The following ZER1 variants were observed in gnomAD, a reference collection of about 807,000 sequenced individuals.
ZER1 encodes the protein zyg-11 related cell cycle regulator, also known as protein zer-1 homolog.
ZER1 carries 11 observed loss-of-function variants against 78.8 expected under a neutral mutation model. The observed-to-expected ratio is 0.14, with a 90% CI of 0.09 to 0.23. The LOEUF is 0.23. Ranked by LOEUF, ZER1 falls within the 10% of genes least tolerant of loss-of-function variation. The pLI, the probability that ZER1 is intolerant of heterozygous loss-of-function variation, is 1.00. For synonymous variants in ZER1, 400 were observed against 407.0 expected (o/e 0.98, Z 0.21); for missense variants, 588 against 996.9 (o/e 0.59, Z 5.52).
In ZER1 at chr9:128,755,604, C is replaced by A. The variant is rs1352388871; in HGVS notation, c.-39G>T. 1.1e-5 allele frequency: 17 copies of A among 1,592,198 alleles called. No homozygotes were observed. The South Asian group carries it at 1.8e-4, about 17-fold the overall frequency. On this transcript the variant is annotated 5_prime_UTR_variant, in exon 2 of 16. Coordinates refer to ENST00000291900, the MANE Select transcript of ZER1 (RefSeq NM_006336.4). The surrounding 1 kb of genome is among the most constrained non-coding windows in gnomAD (Gnocchi z 5.6). ...AGGTGGGCCACTCCAGGACAAGGAT[C>A]CCCAGGGGCAACAGTGATTCCTGAA...
chr9:128,770,928 T>G (rs1318348770), intron 1 of ZER1, among the ~76,000 whole-genome samples: 1 of 152,132 alleles, frequency 6.6e-6, no homozygotes, highest in Non-Finnish European at 1.5e-5. Context: ...CCAGCACTTT[T>G]GGAGGCTGGA....
rs1862906624 is a variant in ZER1, at chr9:128,733,405, AAC to A, written c.2243+19_2243+20del. ...CCCCTAAACCAAGGTTCCAGGCAGA[AAC>A]ACACTGCTGGTCTCTTACCGGGCCA... On this transcript the variant is annotated intron_variant, in intron 15 of 15. Transcript: ENST00000291900. The A allele has an allele frequency of 1.2e-6, 2 of 1,611,498 alleles. No individual in the cohort carries two copies. The highest frequency in any genetic ancestry group is 1.7e-6 in the Non-Finnish European group (2 of 1,178,326).
At position 128,752,867 on chromosome 9, in the gene ZER1, G is replaced by A. The variant is rs1471587853; in HGVS notation, c.747-18C>T. 1.2e-6 allele frequency: 2 copies of A among 1,609,896 alleles called. No individual in the cohort carries two copies. The highest frequency in any genetic ancestry group is 1.7e-6 in the Non-Finnish European group (2 of 1,177,760). On this transcript the variant is annotated intron_variant, in intron 4 of 15. Transcript: ENST00000291900. The stretch of plus-strand genomic sequence containing the variant: ...CCAGGTGTCTGAAGATTGGGGTAGG[G>A]GGTGCAGGTTAGGAGCTGGGTACAG...
chr9:128,758,586 T>C (rs750091879), intron 1 of ZER1, among the ~76,000 whole-genome samples: 15 of 151,968 alleles, frequency 9.9e-5, no homozygotes, highest in Non-Finnish European at 1.8e-4. Context: ...ACCCGGCTAA[T>C]CTTTCTGGTT....
rs571772894 is a variant in ZER1 at position 128,769,137 on chromosome 9, CCT to C, written c.-95+2442_-95+2443del. On this transcript the variant is annotated intron_variant, in intron 1 of 15. Transcript: ENST00000291900. ...TCTCTGCAGAATATTAACCCAGTTA[CCT>C]CTGAGGGGTGTCAAGAAGTTTCTGT... 5.1e-4 allele frequency among the ~76,000 whole-genome samples: 78 copies of C among 152,234 alleles called. 1 individual carries two copies. Among genetic ancestry groups the C allele is most frequent in the Admixed American group, 1.2e-3 (18 of 15,294 alleles).
intron 9 of ZER1, 147 bp downstream of exon 9, chr9:128,742,383 G>T: frequency 7.9e-6 from 7 of 890,312 alleles, no homozygotes; most frequent in Non-Finnish European, 1.0e-5. Context: ...TTCTTCCTTT[G>T]GTCTAGCCTA....
chr9:128,741,319 G>T (rs1043614418), intron 11 of ZER1, among the ~76,000 whole-genome samples: 1 of 152,224 alleles, frequency 6.6e-6, no homozygotes, highest in Non-Finnish European at 1.5e-5. Flanking sequence ...CTTTCCCTGG[G>T]AGTGGGGGCT....
chr9:128,746,640 AT>A (rs911601634), intron 8 of ZER1, among the ~76,000 whole-genome samples: 51 of 144,512 alleles, frequency 3.5e-4, no homozygotes, highest in African/African-American at 5.8e-4. Context: ...TTAAAAAAAA[AT>A]TTTTTTTTTT....
At chr9:128,738,368 ATTTATTTTTATT>A (rs1184024452) in intron 13 of ZER1, among the ~76,000 whole-genome samples, 1 of 137,678 alleles carries the variant, frequency 7.3e-6, no homozygotes, top group African/African-American at 2.7e-5. Context: ...TGTTTTTTTA[ATTTATTTTTATT>A]TTTATTTTTA....
intron 1 of ZER1, among the ~76,000 whole-genome samples, chr9:128,758,156 G>C: frequency 7.4e-6 from 1 of 135,222 alleles, no homozygotes; most frequent in Non-Finnish European, 1.5e-5. Context: ...GTCTTGCTCT[G>C]TTGCTCAGGC....
In ZER1 at chr9:128,754,038, C is replaced by G. The variant is rs1012264926; in HGVS notation, c.159-79G>C. ...GCTTCAAAGCCAAGCCCTCCTCCCC[C>G]TGAAGCTTTCTTGGATCACCCCAAG... On this transcript the variant is annotated intron_variant, in intron 2 of 15. Coordinates refer to ENST00000291900, the MANE Select transcript of ZER1 (RefSeq NM_006336.4). The surrounding 1 kb of genome is among the most constrained non-coding windows in gnomAD (Gnocchi z 4.3). 8 of 1,507,124 alleles carry G rather than the reference C, an allele frequency of 5.3e-6. No individual in the cohort carries two copies. Among genetic ancestry groups the G allele is most frequent in the South Asian group, 1.3e-5 (1 of 78,606 alleles). 93.4% of individuals were successfully genotyped at this position (1,507,124 alleles called of 1,614,324 possible).
At position 128,755,693 on chromosome 9, in the gene ZER1, C is replaced by T. The variant is rs1386603940; in HGVS notation, c.-94-34G>A. On this transcript the variant is annotated intron_variant, in intron 1 of 15. Transcript: ENST00000291900. This position sits in a 1 kb window ranked among gnomAD's most constrained non-coding sequence, Gnocchi z 5.6. ...TGGACAAGATGCCAAGTGAGCCACA[C>T]ACAAGGGCTAGAACTATCAGTGGTC... 8.1e-6 allele frequency: 10 copies of T among 1,237,750 alleles called. No individual in the cohort carries two copies. Among genetic ancestry groups the T allele is most frequent in the Non-Finnish European group, 4.5e-6 (4 of 893,938 alleles). The allele number at this position is 1,237,750 out of a possible 1,614,324, so 76.7% of individuals were successfully genotyped here. A position where few individuals can be genotyped will look rare whatever the true frequency, so the allele number is the denominator to read the frequency against.
At chr9:128,745,938 C>T (rs1227705799) in intron 8 of ZER1, 1 of 152,058 alleles carries the variant, frequency 6.6e-6, no homozygotes, top group African/African-American at 2.4e-5. Flanking sequence ...CTTCTGGGTT[C>T]AAGCAATCCT....
At chr9:128,734,846 G>A (rs1368174309) in intron 14 of ZER1, among the ~76,000 whole-genome samples, 1 of 142,932 alleles carries the variant, frequency 7.0e-6, no homozygotes, top group South Asian at 2.2e-4. Context: ...GATGGTATGT[G>A]TTTTTTTTTT....
intron 11 of ZER1, 87 bp downstream of exon 11, chr9:128,741,448 G>A: frequency 1.3e-6 from 2 of 1,588,148 alleles, no homozygotes; most frequent in Non-Finnish European, 1.7e-6. Flanking sequence ...GAGGGGTGCT[G>A]CGGATTTGGT....
At chr9:128,752,630 T>A in intron 5 of ZER1, 43 bp downstream of exon 5, 1 of 1,570,144 alleles carries the variant, frequency 6.4e-7, no homozygotes, top group South Asian at 1.2e-5. Flanking sequence ...TAAATGCCTG[T>A]TGAATGACAC....
chr9:128,735,327 C>G lies in ZER1; in HGVS notation c.2140+7G>C. 1 of 1,610,616 alleles carries G rather than the reference C, an allele frequency of 6.2e-7. No homozygotes were observed. Among genetic ancestry groups the G allele is most frequent in the Non-Finnish European group, 8.5e-7 (1 of 1,178,558 alleles). On this transcript the variant is annotated splice_region_variant and intron_variant, in intron 14 of 15. Coordinates refer to ENST00000291900, the MANE Select transcript of ZER1 (RefSeq NM_006336.4). ...AGTGTCTGAACCCAGGACAAGTTGG[C>G]ACTCACGGTAGACAGACACGAGGTT... is the stretch of plus-strand genomic sequence containing the variant.
intron 13 of ZER1, among the ~76,000 whole-genome samples, chr9:128,736,558 T>G (rs537372800): frequency 6.7e-6 from 1 of 150,336 alleles, no homozygotes; most frequent in East Asian, 2.0e-4. Flanking sequence ...CATGCCCAGC[T>G]AATTTTTGGT....
rs1371693428 is a variant in ZER1, at chr9:128,751,821, A to C, written c.924-294T>G. ...TCTCACCAACAATCACAAAGGGACA[A>C]GCTCAACTGAACACCATTAAAGCAG... On this transcript the variant is annotated intron_variant, in intron 5 of 15. Coordinates refer to ENST00000291900, the MANE Select transcript of ZER1 (RefSeq NM_006336.4). The surrounding 1 kb of genome is among the most constrained non-coding windows in gnomAD (Gnocchi z 5.4). Among the ~76,000 whole-genome samples, 1 of 152,238 alleles carries C rather than the reference A, an allele frequency of 6.6e-6. No homozygotes were observed. The highest frequency in any genetic ancestry group is 2.4e-5 in the African/African-American group (1 of 41,462).
Sources: gnomAD v4.1 joint callset for allele counts (sites outside exome capture counted in the v4.1 genomes callset) on GRCh38, gnomAD v4.1.1 for gene constraint, Gnocchi (gnomAD v3.1) non-coding constraint, MANE v1.5 for transcripts, NCBI Gene and HGNC (gene_info 2026-07-23, HGNC 2026-07-21) for gene names.